CARM1: variants seen among roughly 807,000 people sequenced by gnomAD.
CARM1 encodes coactivator associated arginine methyltransferase 1.
In CARM1, 14 loss-of-function variants were observed where a neutral mutation model predicts 72.7. The ratio of observed to expected loss-of-function variants is 0.19; its 90% confidence interval spans 0.13 to 0.30. The LOEUF (loss-of-function observed/expected upper bound fraction) is 0.30. Among genes scored for constraint, CARM1 ranks in the 10% least tolerant of loss-of-function variants. The pLI is 1.00. For missense variants in CARM1, 432 were observed against 833.7 expected, an observed-to-expected ratio of 0.52 and a Z score of 5.93; for synonymous variants, 333 against 345.5, an observed-to-expected ratio of 0.96 and a Z score of 0.40.
At position 10,895,335 on chromosome 19, in the gene CARM1, C is replaced by T. The variant is rs1419035181; in HGVS notation, c.221-9616C>T. 2.0e-5 allele frequency among the ~76,000 whole-genome samples: 3 copies of T among 152,260 alleles called. No individual in the cohort carries two copies. The South Asian group carries it at 6.2e-4, about 32-fold the overall frequency. On this transcript the variant is annotated intron_variant, in intron 1 of 15. Coordinates refer to ENST00000327064, the MANE Select transcript of CARM1 (RefSeq NM_199141.2). ...GGCCGGACTAGTCTCAAACTCCTGG[C>T]CTCAAGCGATCCACGTGCCTTGGCC...
At chr19:10,910,480 TA>T (rs532451549) in intron 4 of CARM1, among the ~76,000 whole-genome samples, 31 of 145,074 alleles carry the variant, frequency 2.1e-4, no homozygotes, top group African/African-American at 2.8e-4. Context: ...GACTCCGTCT[TA>T]AAAAAAAAAA....
At chr19:10,910,379 G>T (rs771515591) in intron 4 of CARM1, among the ~76,000 whole-genome samples, 2 of 151,516 alleles carry the variant, frequency 1.3e-5, no homozygotes, top group East Asian at 4.0e-4. Flanking sequence ...TACTCAGGAG[G>T]CTGAGGCAGG....
intron 1 of CARM1, among the ~76,000 whole-genome samples, chr19:10,885,142 A>C (rs1208733143): frequency 6.6e-6 from 1 of 152,142 alleles, no homozygotes. Flanking sequence ...CCCTCTGGGT[A>C]GGTTTGTTCA....
chr19:10,876,212 G>A (rs1006659581), intron 1 of CARM1, among the ~76,000 whole-genome samples: 5 of 152,026 alleles, frequency 3.3e-5, no homozygotes, highest in Non-Finnish European at 5.9e-5. Context: ...TTCTTCTAGC[G>A]ATGCGGTCTC....
chr19:10,880,271 A>G (rs2073891904), intron 1 of CARM1, among the ~76,000 whole-genome samples: 1 of 152,204 alleles, frequency 6.6e-6, no homozygotes, highest in African/African-American at 2.4e-5. Context: ...CACCTGGGCC[A>G]CACCTGGCTG....
At position 10,920,005 on chromosome 19, in the gene CARM1, C is replaced by A. The variant is rs567401361; in HGVS notation, c.1196+39C>A. ...AGCAGCCCATGCTGCCTCCTCCCCA[C>A]TCCCAGGGCTTCCTGCAGCTGCAAC... On this transcript the variant is annotated intron_variant, in intron 10 of 15. Coordinates refer to ENST00000327064, the MANE Select transcript of CARM1 (RefSeq NM_199141.2). This position sits in a 1 kb window ranked among gnomAD's most constrained non-coding sequence, Gnocchi z 5.3. 2 of 1,517,006 alleles carry A rather than the reference C, an allele frequency of 1.3e-6. No individual in the cohort carries two copies. The highest frequency in any genetic ancestry group is 2.3e-5 in the South Asian group (2 of 88,866). The allele number at this position is 1,517,006 out of a possible 1,614,324, so 94.0% of individuals were successfully genotyped here. A position where few individuals can be genotyped will look rare whatever the true frequency, so the allele number is the denominator to read the frequency against.
At chr19:10,893,575 T>TG (rs1445348317) in intron 1 of CARM1, among the ~76,000 whole-genome samples, 2 of 152,158 alleles carry the variant, frequency 1.3e-5, no homozygotes, top group Non-Finnish European at 2.9e-5. Flanking sequence ...CCTGACCTTG[T>TG]GACCCGCCTG....
intron 2 of CARM1, 86 bp downstream of exon 2, chr19:10,905,162 G>C: frequency 1.3e-6 from 2 of 1,517,420 alleles, no homozygotes; most frequent in Non-Finnish European, 1.8e-6. Context: ...TGGCTGAGGG[G>C]TGGCCCGTGC....
chr19:10,906,188 A>G (rs2074102752), intron 2 of CARM1, among the ~76,000 whole-genome samples: 1 of 151,898 alleles, frequency 6.6e-6, no homozygotes, highest in Non-Finnish European at 1.5e-5. Context: ...TCCTGGCCTC[A>G]AGTGATCCAC....
intron 1 of CARM1, among the ~76,000 whole-genome samples, chr19:10,904,749 G>C (rs966396888): frequency 6.6e-6 from 1 of 152,240 alleles, no homozygotes; most frequent in Admixed American, 6.5e-5. Flanking sequence ...CTGTGTTCCT[G>C]CTGTCTGATC....
chr19:10,920,957 C>T lies in CARM1; in HGVS notation c.1537+11C>T, dbSNP rs776807212. ...GGATGGCCGTGGCAGGTGAGCAGGG[C>T]CCACCCCAATGCCCAGCCAACCCGG... On this transcript the variant is annotated intron_variant, in intron 13 of 15. Transcript: ENST00000327064. The surrounding 1 kb of genome is among the most constrained non-coding windows in gnomAD (Gnocchi z 5.3). The T allele has an allele frequency of 1.2e-6, 2 of 1,613,520 alleles. No homozygotes were observed. The highest frequency in any genetic ancestry group is 1.7e-6 in the Non-Finnish European group (2 of 1,179,404).
chr19:10,914,163 G>T, intron 6 of CARM1, 109 bp downstream of exon 6: 1 of 1,145,048 alleles, frequency 8.7e-7, no homozygotes, highest in Non-Finnish European at 1.2e-6. Context: ...GGCCCGGGGT[G>T]TAGGGAAGCC....
Position 10,921,635 on chromosome 19 carries a change from A to AGTG in CARM1, c.1713_1715dup (p.Gly572dup). On this transcript the variant is annotated inframe_insertion, in exon 16 of 16. Coordinates refer to ENST00000327064, the MANE Select transcript of CARM1 (RefSeq NM_199141.2). ...CACAGGGTCCTCCGGCGCCCAGGGC[A>AGTG]GTGGTGGTGGCAGCACGAGTGCCCA... 6.2e-7 allele frequency: 1 copy of AGTG among 1,612,968 alleles called. No homozygotes were observed. The highest frequency in any genetic ancestry group is 8.5e-7 in the Non-Finnish European group (1 of 1,179,432).
intron 1 of CARM1, among the ~76,000 whole-genome samples, chr19:10,875,071 TG>T (rs2073852815): frequency 6.6e-6 from 1 of 151,832 alleles, no homozygotes; most frequent in Non-Finnish European, 1.5e-5. Flanking sequence ...TGATCAGTGC[TG>T]GGTGTATTAA....
rs932297853 is a variant in CARM1 at position 10,923,036 on chromosome 19, C to T, written c.*1279C>T. 16 of 432,184 alleles carry T rather than the reference C, an allele frequency of 3.7e-5. No individual in the cohort carries two copies. Among genetic ancestry groups the T allele is most frequent in the African/African-American group, 4.2e-5 (2 of 47,996 alleles). The allele number at this position is 432,184 out of a possible 1,614,324, so 26.8% of individuals were successfully genotyped here. A position where few individuals can be genotyped will look rare whatever the true frequency, so the allele number is the denominator to read the frequency against. On this transcript the variant is annotated 3_prime_UTR_variant, in exon 16 of 16. Coordinates refer to ENST00000327064, the MANE Select transcript of CARM1 (RefSeq NM_199141.2). ...GCCTTTATATAAATTCTCTGAATCA[C>T]CTTTGCATAGAAAATAAAAGTGTTT...
At position 10,886,520 on chromosome 19, in the gene CARM1, C is replaced by CT. The variant is rs372792445; in HGVS notation, c.220+14607dup. 2.6e-3 allele frequency among the ~76,000 whole-genome samples: 380 copies of CT among 147,272 alleles called. 4 individuals are homozygous for CT. Among genetic ancestry groups the CT allele is most frequent in the African/African-American group, 4.8e-3 (194 of 40,446 alleles). On this transcript the variant is annotated intron_variant, in intron 1 of 15. Coordinates refer to ENST00000327064, the MANE Select transcript of CARM1 (RefSeq NM_199141.2). ...CCCCTCCCTCATTTTTATCTTTTAT[C>CT]TTTTTTTTTCTTTTTTAGAGATGGG...
At chr19:10,890,330 C>T (rs565881301) in intron 1 of CARM1, among the ~76,000 whole-genome samples, 1 of 149,246 alleles carries the variant, frequency 6.7e-6, no homozygotes, top group East Asian at 2.0e-4. Context: ...TGCAGTGGCG[C>T]GATCTTGGCT....
chr19:10,902,109 T>G (rs2074070659), intron 1 of CARM1, among the ~76,000 whole-genome samples: 1 of 151,364 alleles, frequency 6.6e-6, no homozygotes, highest in Admixed American at 6.6e-5. Context: ...CTGGACGTGG[T>G]GGTGCACACC....
rs147193567 is a variant in CARM1 at position 10,884,589 on chromosome 19, G to C, written c.220+12667G>C. Among the ~76,000 whole-genome samples, 752 of 151,964 alleles carry C rather than the reference G, an allele frequency of 4.9e-3. 6 individuals are homozygous for C. Among genetic ancestry groups the C allele is most frequent in the African/African-American group, 0.017 (725 of 41,458 alleles). ...TGTGCTTGCCTTTGTTCCCCAAAAAGCAGTTACATGAAGGAAATGGAGACC... is the reference window on the plus strand; with the variant it reads ...TGTGCTTGCCTTTGTTCCCCAAAAACCAGTTACATGAAGGAAATGGAGACC... On this transcript the variant is annotated intron_variant, in intron 1 of 15. Coordinates refer to ENST00000327064, the MANE Select transcript of CARM1 (RefSeq NM_199141.2).
Sources: gnomAD v4.1 joint callset for allele counts (sites outside exome capture counted in the v4.1 genomes callset) on GRCh38, gnomAD v4.1.1 for gene constraint, Gnocchi (gnomAD v3.1) non-coding constraint, MANE v1.5 for transcripts, NCBI Gene and HGNC (gene_info 2026-07-23, HGNC 2026-07-21) for gene names.